Variants in MAPK8IP1 observed in about 807,000 individuals in gnomAD.
MAPK8IP1 encodes the protein mitogen-activated protein kinase 8 interacting protein 1, also known as C-Jun-amino-terminal kinase-interacting protein 1.
Under a neutral mutation model 72.6 loss-of-function variants are expected in MAPK8IP1, and 17 were observed. The ratio of observed to expected loss-of-function variants is 0.23; its 90% CI spans 0.16 to 0.35. MAPK8IP1 has a LOEUF of 0.35. Among genes scored for constraint, MAPK8IP1 ranks in the 10% least tolerant of loss-of-function variants. The pLI is 1.00. For synonymous variants in MAPK8IP1, 401 were observed against 443.4 expected, an observed-to-expected ratio of 0.90 and a Z score of 1.20; for missense variants, 789 against 1,009.7, an observed-to-expected ratio of 0.78 and a Z score of 2.96.
chr11:45,899,833 G>A (rs1020627652), intron 2 of MAPK8IP1, among the ~76,000 whole-genome samples: 2 of 152,192 alleles, frequency 1.3e-5, no homozygotes, highest in Non-Finnish European at 2.9e-5. Flanking sequence ...CTTCACTCTG[G>A]GCTCGGCTTA....
At chr11:45,899,973 C>T (rs1216099913) in intron 2 of MAPK8IP1, among the ~76,000 whole-genome samples, 165 bp from the exon 3 acceptor site, 3 of 152,110 alleles carry the variant, frequency 2.0e-5, no homozygotes, top group African/African-American at 7.2e-5. Flanking sequence ...CTCGCGCTTC[C>T]TCGCGGCGGA....
Position 45,905,220 on chromosome 11 carries a change from C to T in MAPK8IP1, c.2034C>T (p.Asp678=). The part of the protein sequence containing the change: ...RFACHVFVSE[D]STKALAESVG... Reference sequence around the variant, plus strand: ...CCTGCCACGTCTTTGTGTCTGAAGACTCCACCAAAGCCCTGGCAGAGTCCG... The same window carrying T: ...CCTGCCACGTCTTTGTGTCTGAAGATTCCACCAAAGCCCTGGCAGAGTCCG... The change falls in exon 11 of 12, where the codon GAC becomes GAT. Residue 678 remains aspartate, a synonymous_variant. Transcript: ENST00000241014. 6.2e-7 allele frequency: 1 copy of T among 1,612,586 alleles called. No homozygotes were observed. The highest frequency in any genetic ancestry group is 8.5e-7 in the Non-Finnish European group (1 of 1,180,028).
In MAPK8IP1 at chr11:45,904,422, T is replaced by C; in HGVS notation, c.1667-33T>C. 6.4e-7 allele frequency: 1 copy of C among 1,569,176 alleles called. No homozygotes were observed. Among genetic ancestry groups the C allele is most frequent in the Non-Finnish European group, 8.8e-7 (1 of 1,140,456 alleles). On this transcript the variant is annotated intron_variant, in intron 7 of 11. Coordinates refer to ENST00000241014, the MANE Select transcript of MAPK8IP1 (RefSeq NM_005456.4). The surrounding 1 kb of genome is among the most constrained non-coding windows in gnomAD (Gnocchi z 6.4). ...GGCTGCTCAGCTCCCTCCTGCTCTT[T>C]CTGCCCCTCCTCAATTCACGCTTGC...
chr11:45,904,598 T>G lies in MAPK8IP1; in HGVS notation c.1776+34T>G, dbSNP rs1336175295. The G allele has an allele frequency of 2.5e-6, 4 of 1,604,250 alleles. No individual in the cohort carries two copies. In the African/African-American group the frequency reaches 5.4e-5, roughly 21 times the overall value. ...GCCCTCTCCCTTCTCCTCCCTTGGA[T>G]GGGTCCCTGGGGCAGAGGGACGCAG... On this transcript the variant is annotated intron_variant, in intron 8 of 11. Transcript: ENST00000241014. This position sits in a 1 kb window ranked among gnomAD's most constrained non-coding sequence, Gnocchi z 6.4.
Position 45,902,149 on chromosome 11 carries a change from G to C in MAPK8IP1, c.604+88G>C. On this transcript the variant is annotated intron_variant, in intron 4 of 11. Transcript: ENST00000241014. The surrounding 1 kb of genome is among the most constrained non-coding windows in gnomAD (Gnocchi z 9.3). ...AGAGCAAACCCTACAGTCTCCAAAG[G>C]GCTGAGTAGAGGTGAACTGCCCACC... 7.9e-7 allele frequency: 1 copy of C among 1,268,036 alleles called. No homozygotes were observed. The highest frequency in any genetic ancestry group is 1.2e-6 in the Non-Finnish European group (1 of 864,918). 78.5% of individuals were successfully genotyped at this position (1,268,036 alleles called of 1,614,324 possible).
At position 45,898,069 on chromosome 11, in the gene MAPK8IP1, T is replaced by C. The variant is rs1200908197; in HGVS notation, c.102-16T>C. On this transcript the variant is annotated splice_polypyrimidine_tract_variant and intron_variant, in intron 1 of 11. Transcript: ENST00000241014. Reference sequence around the variant, plus strand: ...AGTGCCCCTGAGTTGTAACTTTGGCTTCCTGTCCCCACCAGGCTCACCCAT... The same window carrying C: ...AGTGCCCCTGAGTTGTAACTTTGGCCTCCTGTCCCCACCAGGCTCACCCAT... 1 of 1,580,582 alleles carries C rather than the reference T, an allele frequency of 6.3e-7. No individual in the cohort carries two copies. Among genetic ancestry groups the C allele is most frequent in the Non-Finnish European group, 8.7e-7 (1 of 1,149,938 alleles).
rs751049132 is a variant in MAPK8IP1 at position 45,902,610 on chromosome 11, C to T, written c.843C>T (p.Ile281=). ...TGCGACTAGAGGCCACTGAGGAGATCTACCTGACCCCAGTGCAGAGGCCCC... is the reference window on the plus strand; with the variant it reads ...TGCGACTAGAGGCCACTGAGGAGATTTACCTGACCCCAGTGCAGAGGCCCC... ...ADVRLEATEE[I]YLTPVQRPPD... The change falls in exon 5 of 12, where the codon ATC becomes ATT. Residue 281 remains isoleucine, a synonymous_variant. Coordinates refer to ENST00000241014, the MANE Select transcript of MAPK8IP1 (RefSeq NM_005456.4). This position sits in a 1 kb window ranked among gnomAD's most constrained non-coding sequence, Gnocchi z 9.3. 1.2e-6 allele frequency: 2 copies of T among 1,612,834 alleles called. No individual in the cohort carries two copies. The highest frequency in any genetic ancestry group is 1.3e-5 in the African/African-American group (1 of 74,914).
Position 45,902,544 on chromosome 11 carries a change from G to A in MAPK8IP1, c.777G>A (p.Arg259=). The A allele has an allele frequency of 1.2e-6, 2 of 1,612,122 alleles. No homozygotes were observed. The highest frequency in any genetic ancestry group is 1.7e-6 in the Non-Finnish European group (2 of 1,179,648). ...CCCCTGCTGCCCCGCCTGGGGGTCG[G>A]GGCCACTCGCATCGAGACCGAATCC... is the stretch of plus-strand genomic sequence containing the variant. ...GGPPAAPPGG[R]GHSHRDRIHY... is the part of the protein sequence containing the mutation. Residue 259 remains arginine (R), a synonymous_variant, in exon 5 of 12, where the codon CGG becomes CGA. Transcript: ENST00000241014. This position sits in a 1 kb window ranked among gnomAD's most constrained non-coding sequence, Gnocchi z 9.3.
rs1353506783 is a variant in MAPK8IP1 at position 45,900,595 on chromosome 11, C to G, written c.522+143C>G. 2.1e-6 allele frequency: 2 copies of G among 939,986 alleles called. No homozygotes were observed. The highest frequency in any genetic ancestry group is 3.3e-5 in the South Asian group (2 of 59,728). 58.2% of individuals were successfully genotyped at this position (939,986 alleles called of 1,614,324 possible). A position where few individuals can be genotyped will look rare whatever the true frequency, so the allele number is the denominator to read the frequency against. On this transcript the variant is annotated intron_variant, in intron 3 of 11. Coordinates refer to ENST00000241014, the MANE Select transcript of MAPK8IP1 (RefSeq NM_005456.4). The surrounding 1 kb of genome is among the most constrained non-coding windows in gnomAD (Gnocchi z 6.5). ...CATAGGGGCCGCGGTGGCTCGCTCC[C>G]GGTGTTGGGATCCGAGGAGCGGGCA... is the stretch of plus-strand genomic sequence containing the variant.
chr11:45,895,633 A>AAAAATAT (rs1554960474), intron 1 of MAPK8IP1, among the ~76,000 whole-genome samples: 1 of 42,516 alleles, frequency 2.4e-5, no homozygotes, highest in Admixed American at 1.7e-4. Flanking sequence ...AAAAAAAAAA[A>AAAAATAT]ATATATATAT....
Position 45,905,163 on chromosome 11 carries a change from C to T in MAPK8IP1, c.1977C>T (p.Phe659=). The T allele has an allele frequency of 6.2e-7, 1 of 1,613,736 alleles. No individual in the cohort carries two copies. The highest frequency in any genetic ancestry group is 8.5e-7 in the Non-Finnish European group (1 of 1,179,960). The part of the protein sequence containing the change: ...YHPKNNKYFG[F]ITKHPADHRF... Reference sequence around the variant, plus strand: ...CCTGTCCCTGCAGGTACTTTGGGTTCATCACCAAGCACCCCGCCGACCACC... The same window carrying T: ...CCTGTCCCTGCAGGTACTTTGGGTTTATCACCAAGCACCCCGCCGACCACC... The change falls in exon 11 of 12, where the codon TTC becomes TTT. Residue 659 remains phenylalanine (F), a synonymous_variant. Transcript: ENST00000241014.
rs71308368 is a variant in MAPK8IP1, at chr11:45,896,490, AG to A, written c.102-1588del. 2.6e-5 allele frequency: 26 copies of A among 1,003,286 alleles called. No individual in the cohort carries two copies. In the East Asian group the frequency reaches 5.5e-4, roughly 21 times the overall value. 62.1% of individuals were successfully genotyped at this position (1,003,286 alleles called of 1,614,324 possible). On this transcript the variant is annotated intron_variant, in intron 1 of 11. Transcript: ENST00000241014. ...ATCTACTTACAAGCCTGGGCCAGGG[AG>A]GGGGGGCCACTCAGCCCCCGACAGG...
At chr11:45,896,905 C>T (rs1436006031) in intron 1 of MAPK8IP1, 1 of 1,567,660 alleles carries the variant, frequency 6.4e-7, no homozygotes, top group Non-Finnish European at 8.6e-7. Flanking sequence ...AAGATGGATT[C>T]GAGCCCAGAC....
rs546091364 is a variant in MAPK8IP1 at position 45,901,052 on chromosome 11, G to T, written c.522+600G>T. Among the ~76,000 whole-genome samples the T allele has an allele frequency of 2.6e-5, 4 of 152,244 alleles. No individual in the cohort carries two copies. In the South Asian group the frequency reaches 8.3e-4, roughly 32 times the overall value. Reference sequence around the variant, plus strand: ...GGGTGGCTGGATGCCAAGGAGAGTTGAATAGGGTTGGGGGAGCTGGCTGTG... The same window carrying T: ...GGGTGGCTGGATGCCAAGGAGAGTTTAATAGGGTTGGGGGAGCTGGCTGTG... On this transcript the variant is annotated intron_variant, in intron 3 of 11. Coordinates refer to ENST00000241014, the MANE Select transcript of MAPK8IP1 (RefSeq NM_005456.4).
At chr11:45,896,491 G>C (rs1036516315) in intron 1 of MAPK8IP1, 8 of 962,992 alleles carry the variant, frequency 8.3e-6, no homozygotes, top group Non-Finnish European at 9.9e-6. Flanking sequence ...GGGCCAGGGA[G>C]GGGGGGCCAC....
Position 45,885,931 on chromosome 11 carries a change from C to T in MAPK8IP1, c.101+10C>T, listed in dbSNP as rs956005469. Reference sequence around the variant, plus strand: ...CGCCTCCCAATTTCAGGTGAGAGTCCCCGGCCGCCGCGCGCCTCGCCCTTC... The same window carrying T: ...CGCCTCCCAATTTCAGGTGAGAGTCTCCGGCCGCCGCGCGCCTCGCCCTTC... On this transcript the variant is annotated intron_variant, in intron 1 of 11. Transcript: ENST00000241014. 6.8e-7 allele frequency: 1 copy of T among 1,467,616 alleles called. No homozygotes were observed. Among genetic ancestry groups the T allele is most frequent in the Non-Finnish European group, 9.1e-7 (1 of 1,104,000 alleles). The allele number at this position is 1,467,616 out of a possible 1,614,324, so 90.9% of individuals were successfully genotyped here. A position where few individuals can be genotyped will look rare whatever the true frequency, so the allele number is the denominator to read the frequency against.
chr11:45,892,430 G>A (rs1362091387), intron 1 of MAPK8IP1, among the ~76,000 whole-genome samples: 1 of 152,204 alleles, frequency 6.6e-6, no homozygotes, highest in African/African-American at 2.4e-5. Context: ...CACCACACAT[G>A]TTGATCAAAA....
intron 2 of MAPK8IP1, among the ~76,000 whole-genome samples, chr11:45,899,123 C>A (rs553010602): frequency 6.6e-6 from 1 of 152,306 alleles, no homozygotes; most frequent in South Asian, 2.1e-4. Flanking sequence ...TGAGGATAAT[C>A]CCCTAGTCCC....
chr11:45,897,391 G>T (rs1181026196), intron 1 of MAPK8IP1, among the ~76,000 whole-genome samples: 1 of 152,162 alleles, frequency 6.6e-6, no homozygotes, highest in East Asian at 1.9e-4. Flanking sequence ...TCCCAAGGTT[G>T]TAACACCTCT....
Sources: allele counts gnomAD v4.1 joint callset (sites outside exome capture counted in the v4.1 genomes callset), GRCh38; gene constraint gnomAD v4.1.1; non-coding constraint Gnocchi (gnomAD v3.1); transcripts MANE v1.5; gene names NCBI Gene and HGNC (gene_info 2026-07-23, HGNC 2026-07-21).